CENPF: variants seen among roughly 807,000 people sequenced by gnomAD.
CENPF encodes centromere protein F.
Under a neutral mutation model 307.3 loss-of-function variants are expected in CENPF, and 214 were observed. That is an observed-to-expected ratio of 0.70 (90% CI 0.62 to 0.78). The LOEUF (loss-of-function observed/expected upper bound fraction) is 0.78, where lower values mean the gene tolerates loss of function less well. CENPF is among the 30% of genes least tolerant of loss of function. The probability of loss-of-function intolerance (pLI) is 0.00; values close to 1 mark genes in which losing one functional copy is unlikely to be tolerated. For synonymous variants in CENPF, 1,259 were observed against 1,270.6 expected, an observed-to-expected ratio of 0.99 and a Z score of 0.19; for missense variants, 3,401 against 3,483.9, an observed-to-expected ratio of 0.98 and a Z score of 0.60.
chr1:214,622,266 C>T lies in CENPF; in HGVS notation c.1053C>T (p.Asp351=). 3 of 1,610,978 alleles carry T rather than the reference C, an allele frequency of 1.9e-6. No individual in the cohort carries two copies. Among genetic ancestry groups the T allele is most frequent in the Non-Finnish European group, 2.5e-6 (3 of 1,179,014 alleles). ...DELVRTTAQY[D]QASTKYTALE... is the part of the protein sequence containing the mutation. ...TAGTGAGAACAACAGCACAATACGA[C>T]CAGGCGTCAACCAAGGTACTTGACT... The change falls in exon 7 of 20, where the codon GAC becomes GAT. Residue 351 remains aspartate, a synonymous_variant. Transcript: ENST00000366955.
chr1:214,663,884 C>A lies in CENPF; in HGVS notation c.*90C>A. On this transcript the variant is annotated 3_prime_UTR_variant, in exon 20 of 20. Transcript: ENST00000366955. ...AGGACTTCTCTTTAGTCAGGGCATG[C>A]TTTATTAGTGAGGAGAAAACAATTC... The A allele has an allele frequency of 1.0e-6, 1 of 978,188 alleles. No individual in the cohort carries two copies. Among genetic ancestry groups the A allele is most frequent in the Non-Finnish European group, 1.5e-6 (1 of 659,418 alleles). The allele number at this position is 978,188 out of a possible 1,614,324, so 60.6% of individuals were successfully genotyped here.
chr1:214,619,174 A>G lies in CENPF; in HGVS notation c.527A>G (p.Glu176Gly). 1.3e-6 allele frequency: 2 copies of G among 1,587,966 alleles called. No homozygotes were observed. Among genetic ancestry groups the G allele is most frequent in the Non-Finnish European group, 1.7e-6 (2 of 1,159,250 alleles). The change falls in exon 5 of 20, where the codon GAA (glutamate) becomes GGA (glycine). Residue 176 changes from glutamate to glycine, a missense_variant. Coordinates refer to ENST00000366955, the MANE Select transcript of CENPF (RefSeq NM_016343.4). ...DLKEKYNKEV[E>G]ERKRLEAEVK... is the part of the protein sequence containing the mutation. The stretch of plus-strand genomic sequence containing the variant: ...AAAGAAAAATATAATAAAGAGGTTG[A>G]AGAACGAAAAAGATTAGAGGCAGAG...
In CENPF at chr1:214,646,534, C is replaced by T; in HGVS notation, c.6964C>T (p.Gln2322Ter). The stretch of plus-strand genomic sequence containing the variant: ...TGAAAAGAAGCAGCTCTGTGTCTTA[C>T]AACAACTGAAGGAAAGTGAGCATCA... ...ADEKKQLCVL[Q>*]QLKESEHHAD... Residue 2322 changes from glutamine (Q) to a stop codon, truncating the protein, a stop_gained, in exon 13 of 20, where the codon CAA (glutamine) becomes TAA (stop). Transcript: ENST00000366955. LOFTEE classifies it high-confidence loss of function. 1.2e-6 allele frequency: 2 copies of T among 1,614,096 alleles called. No homozygotes were observed. Among genetic ancestry groups the T allele is most frequent in the Non-Finnish European group, 8.5e-7 (1 of 1,180,010 alleles).
chr1:214,627,429 A>G (rs973561101), intron 7 of CENPF, among the ~76,000 whole-genome samples: 1 of 131,508 alleles, frequency 7.6e-6, no homozygotes, highest in African/African-American at 3.0e-5. Context: ...GCTTGAGTGC[A>G]ATGGTGCAAT....
At chr1:214,655,065 G>A (rs2102416660) in intron 16 of CENPF, 176 bp from the exon 17 acceptor site, 1 of 411,164 alleles carries the variant, frequency 2.4e-6, no homozygotes, top group East Asian at 4.0e-5. Context: ...GTCAGTTGGG[G>A]GGACTTAGGA....
At chr1:214,623,861 A>G (rs912573913) in intron 7 of CENPF, among the ~76,000 whole-genome samples, 2 of 152,256 alleles carry the variant, frequency 1.3e-5, no homozygotes, top group African/African-American at 4.8e-5. Context: ...GTATATGGTA[A>G]TAAGTATTGT....
chr1:214,618,793 T>C, intron 4 of CENPF, 99 bp downstream of exon 4: 1 of 1,241,590 alleles, frequency 8.1e-7, no homozygotes, highest in Non-Finnish European at 1.1e-6. Context: ...ATTAAACTTT[T>C]AATGTATATG....
At chr1:214,607,199 C>G (rs549119268) in intron 1 of CENPF, among the ~76,000 whole-genome samples, 107 of 152,344 alleles carry the variant, frequency 7.0e-4, no homozygotes, top group African/African-American at 2.4e-3. Flanking sequence ...CAGGAGCCCC[C>G]AGCTGCCACC....
intron 7 of CENPF, among the ~76,000 whole-genome samples, chr1:214,625,881 G>T (rs895516478): frequency 6.6e-6 from 1 of 151,944 alleles, no homozygotes; most frequent in African/African-American, 2.4e-5. Context: ...ATTTATAATA[G>T]AATTGTCTTA....
In CENPF at chr1:214,645,968, A is replaced by C. The variant is rs750777215; in HGVS notation, c.6398A>C (p.Lys2133Thr). The change falls in exon 13 of 20, where the codon AAG becomes ACG. Residue 2133 changes from lysine to threonine, a missense_variant. Lys to Thr is a moderately conservative substitution (Grantham distance 78). Coordinates refer to ENST00000366955, the MANE Select transcript of CENPF (RefSeq NM_016343.4). Reference protein sequence around the residue: ...KLRVRIEADEKKQLHIAEKLK... With the variant: ...KLRVRIEADETKQLHIAEKLK... ...AGAGTTCGCATTGAGGCCGATGAAA[A>C]GAAGCAGCTGCACATCGCAGAGAAA... The C allele has an allele frequency of 2.6e-5, 42 of 1,614,178 alleles. 1 individual carries two copies. In the South Asian group the frequency reaches 4.4e-4, roughly 17 times the overall value.
Position 214,645,791 on chromosome 1 carries a change from G to T in CENPF, c.6221G>T (p.Ser2074Ile). 2 of 1,614,194 alleles carry T rather than the reference G, an allele frequency of 1.2e-6. No individual in the cohort carries two copies. Among genetic ancestry groups the T allele is most frequent in the Non-Finnish European group, 1.7e-6 (2 of 1,180,026 alleles). The change falls in exon 13 of 20, where the codon AGC becomes ATC. Residue 2074 changes from serine (S) to isoleucine (I), a missense_variant. Coordinates refer to ENST00000366955, the MANE Select transcript of CENPF (RefSeq NM_016343.4). ...GAATTGCTTGTCAAGGAATCTGAAA[G>T]CCTGCAGGCCAGACTGAGTGAATCA... ...EKELLVKESE[S>I]LQARLSESDY...
chr1:214,609,282 C>T (rs2102525929), intron 1 of CENPF, among the ~76,000 whole-genome samples: 1 of 152,196 alleles, frequency 6.6e-6, no homozygotes, highest in South Asian at 2.1e-4. Flanking sequence ...ATGACTTTAC[C>T]ACCTTTTGCA....
chr1:214,640,119 A>C lies in CENPF; in HGVS notation c.1781A>C (p.Glu594Ala). 1 of 1,584,588 alleles carries C rather than the reference A, an allele frequency of 6.3e-7. No homozygotes were observed. Among genetic ancestry groups the C allele is most frequent in the Admixed American group, 2.0e-5 (1 of 51,052 alleles). The stretch of plus-strand genomic sequence containing the variant: ...GATAAGTTAAGCAAGACAGAGAAAG[A>C]GTCCAAAGCCTTGCTGAGTGCTTTA... ...LNDKLSKTEK[E>A]SKALLSALEL... The change falls in exon 12 of 20, where the codon GAG becomes GCG. Residue 594 changes from glutamate (E) to alanine (A), a missense_variant. By Grantham distance (107) the Glu-to-Ala change is moderately radical. Coordinates refer to ENST00000366955, the MANE Select transcript of CENPF (RefSeq NM_016343.4).
At chr1:214,626,261 GTTT>G (rs1216316410) in intron 7 of CENPF, among the ~76,000 whole-genome samples, 1 of 152,088 alleles carries the variant, frequency 6.6e-6, no homozygotes, top group Non-Finnish European at 1.5e-5. Flanking sequence ...GTGCCATAGT[GTTT>G]TTCTTCAGGT....
At position 214,646,973 on chromosome 1, in the gene CENPF, A is replaced by G; in HGVS notation, c.7403A>G (p.Glu2468Gly). The G allele has an allele frequency of 6.2e-7, 1 of 1,614,066 alleles. No homozygotes were observed. The highest frequency in any genetic ancestry group is 1.1e-5 in the South Asian group (1 of 91,080). The change falls in exon 13 of 20, where the codon GAG (glutamate) becomes GGG (glycine). Residue 2468 changes from glutamate (E) to glycine (G), a missense_variant. Glu to Gly is a moderately conservative substitution (Grantham distance 98). Coordinates refer to ENST00000366955, the MANE Select transcript of CENPF (RefSeq NM_016343.4). ...GACCAAGAAGCCTGTAAGGCCAAAG[A>G]GCAGAATCTTAGTAGTCAAGTAGAG... ...HNDQEACKAK[E>G]QNLSSQVECL...
chr1:214,648,883 TCCTTATTGGTTCCTGTAAGA>T, intron 14 of CENPF, 56 bp downstream of exon 14: 1 of 1,542,040 alleles, frequency 6.5e-7, no homozygotes, highest in Admixed American at 1.9e-5. Context: ...GTGCACACTC[TCCTTATTGGTTCCTGTAAGA>T]CCTTCTGTTG....
Position 214,642,813 on chromosome 1 carries a change from A to G in CENPF, c.4475A>G (p.Asp1492Gly). 1 of 1,613,270 alleles carries G rather than the reference A, an allele frequency of 6.2e-7. No homozygotes were observed. Reference sequence around the variant, plus strand: ...AGCTCTAGTCTTAGCAGTTTGGGAGACTCCTCCTTTTACAGAGCTCTTTTA... The same window carrying G: ...AGCTCTAGTCTTAGCAGTTTGGGAGGCTCCTCCTTTTACAGAGCTCTTTTA... ...PDSSSLSSLG[D>G]SSFYRALLEQ... The change falls in exon 12 of 20, where the codon GAC becomes GGC. Residue 1492 changes from aspartate (D) to glycine (G), a missense_variant. By Grantham distance (94) the Asp-to-Gly change is moderately conservative. Transcript: ENST00000366955.
intron 19 of CENPF, among the ~76,000 whole-genome samples, chr1:214,660,904 C>T (rs1658772337): frequency 6.6e-6 from 1 of 152,140 alleles, no homozygotes; most frequent in Non-Finnish European, 1.5e-5. Flanking sequence ...AACAAATATT[C>T]ACTGAATGAA....
intron 7 of CENPF, among the ~76,000 whole-genome samples, chr1:214,624,009 T>C (rs1489063884): frequency 6.6e-6 from 1 of 151,788 alleles, no homozygotes; most frequent in African/African-American, 2.4e-5. Flanking sequence ...TTAAAACTTT[T>C]ATTTTAAGAT....
Sources: allele counts gnomAD v4.1 joint callset (sites outside exome capture counted in the v4.1 genomes callset), GRCh38; gene constraint gnomAD v4.1.1; transcripts MANE v1.5; gene names NCBI Gene and HGNC (gene_info 2026-07-23, HGNC 2026-07-21).